TSHZ2: variants seen among roughly 807,000 people sequenced by gnomAD.
The protein encoded by TSHZ2 is teashirt homolog 2.
TSHZ2 carries 21 observed loss-of-function variants against 74.4 expected under a neutral mutation model. The ratio of observed to expected loss-of-function variants is 0.28; its 90% CI spans 0.20 to 0.41. The LOEUF is 0.41. Among genes scored for constraint, TSHZ2 ranks in the 10% least tolerant of loss-of-function variants. The pLI, the probability that TSHZ2 is intolerant of heterozygous loss-of-function variation, is 1.00. For synonymous variants in TSHZ2, 540 were observed against 515.3 expected (o/e 1.05, Z -0.65); for missense variants, 1,244 against 1,293.5 (o/e 0.96, Z 0.59).
chr20:53,083,223 A>G (rs1985590135), intron 1 of TSHZ2, among the ~76,000 whole-genome samples: 3 of 152,226 alleles, frequency 2.0e-5, no homozygotes, highest in Admixed American at 1.3e-4. Context: ...CAATCGTCCA[A>G]CCAATGAATC....
intron 1 of TSHZ2, among the ~76,000 whole-genome samples, chr20:53,095,276 A>G (rs6126752): frequency 0.075 from 11,398 of 152,202 alleles, 994 homozygotes; most frequent in African/African-American, 0.21. Context: ...TCAGCTTTAT[A>G]TCTCTCAAGA....
At chr20:53,325,669 GTTGT>G (rs11474480) in intron 2 of TSHZ2, among the ~76,000 whole-genome samples, 2,162 of 151,610 alleles carry the variant, frequency 0.014, 43 homozygotes, top group African/African-American at 0.05. Flanking sequence ...TGCTTTGTTT[GTTGT>G]TTGTTTGTTT....
At chr20:53,216,339 G>C (rs1600746770) in intron 1 of TSHZ2, among the ~76,000 whole-genome samples, 1 of 152,186 alleles carries the variant, frequency 6.6e-6, no homozygotes, top group African/African-American at 2.4e-5. Context: ...GAGTAAGACA[G>C]GTAGTCAGGT....
chr20:53,354,179 C>T (rs1015550077), intron 2 of TSHZ2, among the ~76,000 whole-genome samples: 7 of 152,258 alleles, frequency 4.6e-5, no homozygotes, highest in East Asian at 3.9e-4. Context: ...AGTGTAACGA[C>T]GTAGAATTAT....
chr20:53,356,091 G>A (rs1017654965), intron 2 of TSHZ2, among the ~76,000 whole-genome samples: 1 of 152,176 alleles, frequency 6.6e-6, no homozygotes, highest in Non-Finnish European at 1.5e-5. Context: ...GATACTGAGG[G>A]TGCTTCATGT....
intron 2 of TSHZ2, among the ~76,000 whole-genome samples, chr20:53,379,447 A>C (rs1981781825): frequency 6.6e-6 from 1 of 152,208 alleles, no homozygotes; most frequent in Non-Finnish European, 1.5e-5. Flanking sequence ...AAATTAATTA[A>C]GTTGTCACTC....
chr20:53,141,235 A>G (rs1209465275), intron 1 of TSHZ2, among the ~76,000 whole-genome samples: 4 of 152,180 alleles, frequency 2.6e-5, no homozygotes, highest in Non-Finnish European at 4.4e-5. Flanking sequence ...GAGCCACCCC[A>G]GGCCAGCAGC....
At position 53,465,206 on chromosome 20, in the gene TSHZ2, C is replaced by T. The variant is rs574843177; in HGVS notation, c.*9-21938C>T. Among the ~76,000 whole-genome samples the T allele has an allele frequency of 1.8e-3, 267 of 152,246 alleles. 2 individuals are homozygous for T. Among genetic ancestry groups the T allele is most frequent in the African/African-American group, 5.2e-3 (218 of 41,532 alleles). ...AAGTAAGAACTCATATTTTGCCACT[C>T]ATTTGTAAAAATTGGTAATTATTGA... On this transcript the variant is annotated intron_variant, in intron 2 of 2. Transcript: ENST00000371497.
At chr20:53,041,626 T>C (rs186018427) in intron 1 of TSHZ2, among the ~76,000 whole-genome samples, 8 of 152,328 alleles carry the variant, frequency 5.3e-5, no homozygotes, top group Non-Finnish European at 1.0e-4. Flanking sequence ...TCACGCTCAC[T>C]CTTTTAGTTA....
chr20:53,206,559 A>G (rs976414312), intron 1 of TSHZ2: 3 of 152,254 alleles, frequency 2.0e-5, no homozygotes, highest in African/African-American at 7.2e-5. Flanking sequence ...AAGGCTTTGC[A>G]TCTGGGTCTT....
At chr20:53,149,640 C>A (rs1987628553) in intron 1 of TSHZ2, among the ~76,000 whole-genome samples, 1 of 152,160 alleles carries the variant, frequency 6.6e-6, no homozygotes, top group Non-Finnish European at 1.5e-5. Context: ...TCTTTAATAG[C>A]ACTTCTTCTC....
In TSHZ2 at chr20:53,211,278, C is replaced by T. The variant is rs148993266; in HGVS notation, c.41-42221C>T. On this transcript the variant is annotated intron_variant, in intron 1 of 2. Coordinates refer to ENST00000371497, the MANE Select transcript of TSHZ2 (RefSeq NM_173485.6). ...CCAAGATCGGCGTTTAAAATTAAAC[C>T]TCCGATGAAAGATAAAAGCTCTTTT... is the stretch of plus-strand genomic sequence containing the variant. Among the ~76,000 whole-genome samples the T allele has an allele frequency of 5.9e-3, 902 of 152,246 alleles. 6 individuals carry two copies. The highest frequency in any genetic ancestry group is 0.014 in the Middle Eastern group (4 of 294).
chr20:53,214,331 T>C (rs549250207), intron 1 of TSHZ2, among the ~76,000 whole-genome samples: 1 of 152,336 alleles, frequency 6.6e-6, no homozygotes, highest in South Asian at 2.1e-4. Flanking sequence ...TATTAAATGC[T>C]GTGCAAGAAA....
chr20:53,383,042 C>T (rs1299795274), intron 2 of TSHZ2, among the ~76,000 whole-genome samples: 2 of 152,184 alleles, frequency 1.3e-5, no homozygotes, highest in Non-Finnish European at 2.9e-5. Context: ...AGGTGGATCA[C>T]CTGAGGTTCG....
At chr20:53,236,432 C>A (rs1282116798) in intron 1 of TSHZ2, among the ~76,000 whole-genome samples, 1 of 152,206 alleles carries the variant, frequency 6.6e-6, no homozygotes, top group Non-Finnish European at 1.5e-5. Flanking sequence ...CAAAGCTGTG[C>A]AAAATGCAAG....
intron 2 of TSHZ2, among the ~76,000 whole-genome samples, chr20:53,361,296 GA>G (rs1981042244): frequency 6.6e-6 from 1 of 152,222 alleles, no homozygotes; most frequent in Non-Finnish European, 1.5e-5. Context: ...TTCTTTGGGA[GA>G]AATGATATTT....
intron 2 of TSHZ2, among the ~76,000 whole-genome samples, chr20:53,385,468 G>A (rs1427512800): frequency 6.6e-6 from 1 of 152,112 alleles, no homozygotes; most frequent in Admixed American, 6.5e-5. Flanking sequence ...TGTAGGAAAC[G>A]CAGATCACAG....
intron 1 of TSHZ2, among the ~76,000 whole-genome samples, chr20:53,092,784 T>C (rs1291146275): frequency 1.3e-5 from 2 of 152,206 alleles, no homozygotes; most frequent in Non-Finnish European, 2.9e-5. Flanking sequence ...ACGTTTGTTT[T>C]GGACATTCTG....
intron 2 of TSHZ2, among the ~76,000 whole-genome samples, chr20:53,391,146 T>TTTTGG (rs1446078725): frequency 6.7e-6 from 1 of 150,090 alleles, no homozygotes; most frequent in Non-Finnish European, 1.5e-5. Context: ...TTTTGTTTTG[T>TTTTGG]TTTGTTTTGG....
Sources: allele counts gnomAD v4.1 joint callset (sites outside exome capture counted in the v4.1 genomes callset), GRCh38; gene constraint gnomAD v4.1.1; transcripts MANE v1.5; gene names NCBI Gene and HGNC (gene_info 2026-07-23, HGNC 2026-07-21).